Variants in SGTB observed in about 807,000 individuals in gnomAD.
SGTB encodes the protein small glutamine rich tetratricopeptide repeat co-chaperone beta, also known as small glutamine-rich tetratricopeptide repeat-containing protein beta.
A neutral mutation model predicts 43.9 loss-of-function variants in SGTB; 19 were observed. That is an observed-to-expected ratio of 0.43 (90% CI 0.30 to 0.63). The LOEUF (loss-of-function observed/expected upper bound fraction) is 0.63. SGTB is among the 30% of genes least tolerant of loss of function. The probability of loss-of-function intolerance (pLI) is 0.12; values close to 1 mark genes in which losing one functional copy is unlikely to be tolerated. For synonymous variants in SGTB, 116 were observed against 117.3 expected, an observed-to-expected ratio of 0.99 and a Z score of 0.07; for missense variants, 304 against 358.9, an observed-to-expected ratio of 0.85 and a Z score of 1.24.
At chr5:65,720,081 C>CTTTTTTTTTTT (rs11312137) in intron 2 of SGTB, among the ~76,000 whole-genome samples, 8 of 124,954 alleles carry the variant, frequency 6.4e-5, no homozygotes, top group Admixed American at 8.4e-5. Context: ...TTTTCTTTTT[C>CTTTTTTTTTTT]TTTTTTTTTT....
chr5:65,699,515 A>G (rs940896225), intron 5 of SGTB, among the ~76,000 whole-genome samples: 4 of 152,216 alleles, frequency 2.6e-5, no homozygotes, highest in African/African-American at 9.6e-5. Flanking sequence ...CAAAAACCAC[A>G]TGTACCCCCA....
At chr5:65,692,685 T>C (rs1389635067) in intron 5 of SGTB, among the ~76,000 whole-genome samples, 1 of 152,074 alleles carries the variant, frequency 6.6e-6, no homozygotes, top group Non-Finnish European at 1.5e-5. Flanking sequence ...GCAAGAAATG[T>C]GGTTGGATTC....
chr5:65,698,920 T>C (rs978068319), intron 5 of SGTB, among the ~76,000 whole-genome samples: 1 of 152,188 alleles, frequency 6.6e-6, no homozygotes, highest in Non-Finnish European at 1.5e-5. Flanking sequence ...GGAATGCTCA[T>C]ACACTGCTAG....
chr5:65,715,348 T>G (rs1052211418), intron 2 of SGTB, among the ~76,000 whole-genome samples: 6 of 152,132 alleles, frequency 3.9e-5, no homozygotes, highest in African/African-American at 1.2e-4. Flanking sequence ...GAAAGATGAG[T>G]GAAGAATTCT....
intron 2 of SGTB, among the ~76,000 whole-genome samples, chr5:65,714,841 G>T (rs370143608): frequency 2.0e-5 from 3 of 152,156 alleles, no homozygotes; most frequent in African/African-American, 7.2e-5. Flanking sequence ...TCTGTCATTA[G>T]ATGACAAGGC....
intron 6 of SGTB, among the ~76,000 whole-genome samples, chr5:65,684,943 G>A (rs1017378121): frequency 6.6e-6 from 1 of 152,182 alleles, no homozygotes; most frequent in African/African-American, 2.4e-5. Flanking sequence ...AAAATGAGTT[G>A]TTTTCCTTCA....
At chr5:65,704,196 ATAAT>A (rs1159186032) in intron 5 of SGTB, 79 bp downstream of exon 5, 6 of 1,034,264 alleles carry the variant, frequency 5.8e-6, no homozygotes, top group Middle Eastern at 2.5e-4. Context: ...AATTTTCTAA[ATAAT>A]TAAGATTTGC....
Position 65,680,539 on chromosome 5 carries a change from G to A in SGTB, c.636C>T (p.Ser212=), listed in dbSNP as rs1288740045. The change falls in exon 8 of 11, where the codon AGC becomes AGT. Residue 212 remains serine (S), a synonymous_variant. Coordinates refer to ENST00000381007, the MANE Select transcript of SGTB (RefSeq NM_019072.3). The stretch of plus-strand genomic sequence containing the variant: ...TATTTATCAAGCTAGCCATGTCAAA[G>A]CTCAGTCCAGTTCCTGTCTGTAAAA... ...EVSSPTGTGL[S]FDMASLINNP... 2.5e-6 allele frequency: 4 copies of A among 1,614,096 alleles called. No homozygotes were observed. Among genetic ancestry groups the A allele is most frequent in the Admixed American group, 1.7e-5 (1 of 60,020 alleles).
intron 5 of SGTB, among the ~76,000 whole-genome samples, chr5:65,688,603 AG>A (rs1315825644): frequency 6.6e-6 from 1 of 152,234 alleles, no homozygotes; most frequent in Non-Finnish European, 1.5e-5. Context: ...GGAAACTGAA[AG>A]GCAATACTTG....
intron 5 of SGTB, among the ~76,000 whole-genome samples, chr5:65,703,758 C>T (rs1422858521): frequency 6.7e-6 from 1 of 148,344 alleles, no homozygotes; most frequent in Non-Finnish European, 1.5e-5. Context: ...TAAATTTAGG[C>T]CGGGCGCGGT....
Position 65,680,571 on chromosome 5 carries a change from T to C in SGTB, c.619-15A>G, listed in dbSNP as rs760160709. 5 of 1,613,982 alleles carry C rather than the reference T, an allele frequency of 3.1e-6. 1 individual carries two copies. The South Asian group carries it at 5.5e-5, about 18-fold the overall frequency. On this transcript the variant is annotated splice_polypyrimidine_tract_variant and intron_variant, in intron 7 of 10. Coordinates refer to ENST00000381007, the MANE Select transcript of SGTB (RefSeq NM_019072.3). ...CCAGTTCCTGTCTGTAAAACAATTATATCTGAGAATCAGTCCAGTATCTAC... is the reference window on the plus strand; with the variant it reads ...CCAGTTCCTGTCTGTAAAACAATTACATCTGAGAATCAGTCCAGTATCTAC...
At chr5:65,684,240 A>G (rs1757454737) in intron 6 of SGTB, among the ~76,000 whole-genome samples, 1 of 151,532 alleles carries the variant, frequency 6.6e-6, no homozygotes, top group African/African-American at 2.4e-5. Context: ...GTACCCCACC[A>G]CTCCTGGATA....
chr5:65,708,030 GC>G (rs1757969662), intron 4 of SGTB, among the ~76,000 whole-genome samples: 1 of 152,122 alleles, frequency 6.6e-6, no homozygotes, highest in African/African-American at 2.4e-5. Flanking sequence ...TGCTTCAATA[GC>G]CAACTAGTAT....
At chr5:65,692,225 A>G (rs1757628027) in intron 5 of SGTB, among the ~76,000 whole-genome samples, 1 of 152,166 alleles carries the variant, frequency 6.6e-6, no homozygotes, top group African/African-American at 2.4e-5. Flanking sequence ...TAGAAAAATC[A>G]CCATTTTGCA....
chr5:65,722,187 G>A (rs1758315518), upstream of SGTB: 3 of 282,712 alleles, frequency 1.1e-5, no homozygotes, highest in South Asian at 4.5e-4. Flanking sequence ...GCGGGGCACG[G>A]CGCGGGGCGG....
intron 8 of SGTB, among the ~76,000 whole-genome samples, chr5:65,673,372 G>A (rs1052704306): frequency 8.5e-5 from 13 of 152,214 alleles, no homozygotes; most frequent in African/African-American, 3.1e-4. Context: ...GCCACAGACT[G>A]TTAGGAACCA....
chr5:65,698,188 A>G (rs982562489), intron 5 of SGTB, among the ~76,000 whole-genome samples: 1 of 152,164 alleles, frequency 6.6e-6, no homozygotes, highest in African/African-American at 2.4e-5. Flanking sequence ...AGGTGTATGT[A>G]TTTGTCAAAA....
chr5:65,722,379 C>T (rs1263127920), upstream of SGTB: 5 of 1,584,380 alleles, frequency 3.2e-6, no homozygotes, highest in Non-Finnish European at 3.4e-6. Context: ...CTCCCATGAT[C>T]GCCCGGTGCC....
chr5:65,713,969 G>A (rs571078949), intron 2 of SGTB, among the ~76,000 whole-genome samples: 3 of 150,114 alleles, frequency 2.0e-5, no homozygotes, highest in East Asian at 1.9e-4. Context: ...GAGGAGGATA[G>A]CTTGAGCCTG....
Sources: allele counts gnomAD v4.1 joint callset (sites outside exome capture counted in the v4.1 genomes callset), GRCh38; gene constraint gnomAD v4.1.1; transcripts MANE v1.5; gene names NCBI Gene and HGNC (gene_info 2026-07-23, HGNC 2026-07-21).